The following FANCB variants were observed in gnomAD, a reference collection of about 807,000 sequenced individuals.
The protein encoded by FANCB is FA complementation group B.
FANCB carries 5 observed loss-of-function variants against 38.9 expected under a neutral mutation model. That is an observed-to-expected ratio of 0.13 (90% CI 0.07 to 0.27). The LOEUF (loss-of-function observed/expected upper bound fraction) is 0.27, where lower values mean the gene tolerates loss of function less well. FANCB is among the 10% of genes least tolerant of loss of function. The pLI is 1.00. For synonymous variants in FANCB, 236 were observed against 215.4 expected, an observed-to-expected ratio of 1.10 and a Z score of -0.84; for missense variants, 573 against 602.7, an observed-to-expected ratio of 0.95 and a Z score of 0.52.
At chrX:14,798,416 C>G in the FANCB span, among the ~76,000 whole-genome samples, 2 of 111,758 alleles carry the variant, frequency 1.8e-5, no homozygotes, top group African/African-American at 3.3e-5. Flanking sequence ...CCCGCCTCGG[C>G]CTCCCAAAGT....
chrX:14,689,636 G>A, the FANCB span, among the ~76,000 whole-genome samples: 6 of 111,667 alleles, frequency 5.4e-5, no homozygotes, highest in Admixed American at 4.7e-4. Flanking sequence ...TTGTTGTAAG[G>A]GTTAAAAAAT....
the FANCB span, among the ~76,000 whole-genome samples, chrX:14,693,948 C>T: frequency 9.0e-6 from 1 of 111,409 alleles, no homozygotes; most frequent in African/African-American, 3.2e-5. Flanking sequence ...AAAATGTATA[C>T]TTCAAATGCA....
the FANCB span, chrX:14,690,926 A>T: frequency 4.6e-6 from 5 of 1,093,353 alleles, no homozygotes; most frequent in Non-Finnish European, 5.0e-6. Flanking sequence ...GTAATTCAGA[A>T]AACAGAAGAG....
At chrX:14,856,818 C>T (rs1310316753) in intron 5 of FANCB, among the ~76,000 whole-genome samples, 1 of 111,020 alleles carries the variant, frequency 9.0e-6, no homozygotes, top group Admixed American at 9.6e-5. Context: ...ATAAAAAGAC[C>T]AATAAGAGAT....
At chrX:14,808,181 G>A in the FANCB span, among the ~76,000 whole-genome samples, 349 of 111,977 alleles carry the variant, frequency 3.1e-3, 1 homozygote, top group African/African-American at 0.01. Context: ...CCAAAAAAGA[G>A]AGGAGGAGGG....
At chrX:14,856,450 TTACA>T (rs1045778038) in intron 5 of FANCB, among the ~76,000 whole-genome samples, 4 of 111,719 alleles carry the variant, frequency 3.6e-5, no homozygotes, top group African/African-American at 1.3e-4. Flanking sequence ...ATTTGTCTTA[TTACA>T]TTTACTTTGT....
chrX:14,752,980 GACACACACACACAC>G, the FANCB span, among the ~76,000 whole-genome samples: 319 of 68,481 alleles, frequency 4.7e-3, 2 homozygotes, highest in South Asian at 0.016. Flanking sequence ...CTCTCTCTCT[GACACACACACACAC>G]ACACACACAC....
chrX:14,833,674 T>TGTGGG (rs1555903257), downstream of FANCB, among the ~76,000 whole-genome samples: 26 of 103,618 alleles, frequency 2.5e-4, no homozygotes, highest in Non-Finnish European at 2.6e-4. Flanking sequence ...AGGCTGGGTG[T>TGTGGG]GGGGGGGGTT....
At chrX:14,863,837 A>T (rs942831184) in intron 3 of FANCB, among the ~76,000 whole-genome samples, 1 of 112,116 alleles carries the variant, frequency 8.9e-6, no homozygotes, top group East Asian at 2.8e-4. Context: ...AGATAATTAT[A>T]AATGTTTAAA....
intron 9 of FANCB, 58 bp from the exon 10 acceptor site, chrX:14,844,039 G>A: frequency 1.0e-6 from 1 of 975,268 alleles, no homozygotes; most frequent in Non-Finnish European, 1.4e-6. Context: ...AAGCAGTCAT[G>A]TACAATATAC....
intron 5 of FANCB, among the ~76,000 whole-genome samples, chrX:14,854,129 G>A: frequency 8.9e-6 from 1 of 111,837 alleles, no homozygotes; most frequent in East Asian, 2.8e-4. Flanking sequence ...TATGTAAAGT[G>A]TCTAGCTAAT....
the FANCB span, among the ~76,000 whole-genome samples, chrX:14,812,240 T>C: frequency 9.1e-6 from 1 of 110,005 alleles, no homozygotes; most frequent in Non-Finnish European, 1.9e-5. Flanking sequence ...CACCCTAACA[T>C]CAAAAGTAAA....
chrX:14,787,379 G>C, the FANCB span, among the ~76,000 whole-genome samples: 4 of 109,981 alleles, frequency 3.6e-5, no homozygotes, highest in East Asian at 8.6e-4. Context: ...GATGAGGGTG[G>C]GGGTGTGGAA....
Position 14,859,248 on chromosome X carries a change from C to G in FANCB, c.1038G>C (p.Lys346Asn), listed in dbSNP as rs1158598934. 8.5e-7 allele frequency: 1 copy of G among 1,181,259 alleles called. No individual in the cohort carries two copies. ...TCAGGCAGTCTGAGTTCAAGGAGTC[C>G]TTAAAAAGTAGGAGTACTTGTTCAG... ...SGTEQVLLLF[K>N]DSLNSDCLTS... The change falls in exon 4 of 10, where the codon AAG becomes AAC. Residue 346 changes from lysine to asparagine, a missense_variant. Lys to Asn is a moderately conservative substitution (Grantham distance 94). Transcript: ENST00000650831.
chrX:14,763,357 T>C, the FANCB span, among the ~76,000 whole-genome samples: 2 of 112,268 alleles, frequency 1.8e-5, no homozygotes, highest in Non-Finnish European at 3.8e-5. Flanking sequence ...AAAGTAGATA[T>C]GGCCATATGC....
At position 14,865,205 on chromosome X, in the gene FANCB, ATTC is replaced by A; in HGVS notation, c.303_305del (p.Lys101del). 1.7e-6 allele frequency: 2 copies of A among 1,159,407 alleles called. No homozygotes were observed. The highest frequency in any genetic ancestry group is 2.3e-6 in the Non-Finnish European group (2 of 869,988). ...TTAGTAAAAAATATTCAAAAACATTATTCTTTTTATTTTTTTCTATCACAATGT... is the reference window on the plus strand; with the variant it reads ...TTAGTAAAAAATATTCAAAAACATTATTTTTATTTTTTTCTATCACAATGT... On this transcript the variant is annotated inframe_deletion, in exon 3 of 10. Coordinates refer to ENST00000650831, the MANE Select transcript of FANCB (RefSeq NM_001018113.3).
chrX:14,733,212 C>T, the FANCB span, among the ~76,000 whole-genome samples: 2 of 111,427 alleles, frequency 1.8e-5, no homozygotes, highest in African/African-American at 6.5e-5. Context: ...GGGCTCTGTT[C>T]TGTTCCATTG....
At chrX:14,700,369 G>A in the FANCB span, among the ~76,000 whole-genome samples, 1 of 110,699 alleles carries the variant, frequency 9.0e-6, no homozygotes, top group Non-Finnish European at 1.9e-5. Context: ...TGTAAGGGAA[G>A]GCAGTGTAAG....
At chrX:14,853,815 G>C (rs1164336160) in intron 5 of FANCB, among the ~76,000 whole-genome samples, 2 of 111,896 alleles carry the variant, frequency 1.8e-5, no homozygotes, top group Non-Finnish European at 1.9e-5. Context: ...CAGATAACTA[G>C]ATTTCAGCAC....
Sources: allele counts gnomAD v4.1 joint callset (sites outside exome capture counted in the v4.1 genomes callset), GRCh38; gene constraint gnomAD v4.1.1; transcripts MANE v1.5; gene names NCBI Gene and HGNC (gene_info 2026-07-23, HGNC 2026-07-21).